TAB2: variants seen among roughly 807,000 people sequenced by gnomAD.
TAB2 encodes TGF-beta-activated kinase 1 and MAP3K7-binding protein 2.
In TAB2, 3 loss-of-function variants were observed where a neutral mutation model predicts 65.0. The ratio of observed to expected loss-of-function variants is 0.05; its 90% CI spans 0.02 to 0.12. TAB2 has a LOEUF of 0.12. TAB2 is among the 10% of genes least tolerant of loss of function. The probability of loss-of-function intolerance (pLI) is 1.00; values close to 1 mark genes in which losing one functional copy is unlikely to be tolerated. For missense variants in TAB2, 623 were observed against 840.3 expected, an observed-to-expected ratio of 0.74 and a Z score of 3.20; for synonymous variants, 298 against 285.1, an observed-to-expected ratio of 1.05 and a Z score of -0.46.
Position 149,326,865 on chromosome 6 carries a change from A to G in TAB2, c.-90+8850A>G, listed in dbSNP as rs1399815701. On this transcript the variant is annotated intron_variant, in intron 1 of 6. Coordinates refer to ENST00000637181, the MANE Select transcript of TAB2 (RefSeq NM_001292034.3). ...GAAAAGTCAACATGTAGAGTGAAGTATTATGCACAGAAATTTGATTTTTGT... is the reference window on the plus strand; with the variant it reads ...GAAAAGTCAACATGTAGAGTGAAGTGTTATGCACAGAAATTTGATTTTTGT... 2.0e-5 allele frequency among the ~76,000 whole-genome samples: 3 copies of G among 152,312 alleles called. No homozygotes were observed. In the East Asian group the frequency reaches 5.8e-4, roughly 29 times the overall value.
chr6:149,358,608 G>A (rs1209543414), intron 1 of TAB2, among the ~76,000 whole-genome samples: 1 of 88,660 alleles, frequency 1.1e-5, no homozygotes, highest in Non-Finnish European at 2.6e-5. Flanking sequence ...ACATCTAGGT[G>A]CAGATTTCTT....
intron 6 of TAB2, chr6:149,400,612 C>A: frequency 6.2e-7 from 1 of 1,614,188 alleles, no homozygotes; most frequent in Non-Finnish European, 8.5e-7. Flanking sequence ...GACAAACCTG[C>A]ACAGTTGGAA....
chr6:149,351,582 T>G (rs1457210040), intron 1 of TAB2, among the ~76,000 whole-genome samples: 1 of 152,238 alleles, frequency 6.6e-6, no homozygotes, highest in Non-Finnish European at 1.5e-5. Context: ...TTATCTTACT[T>G]GGATTACTCA....
chr6:149,269,026 C>G (rs1269802934), intron 1 of TAB2, among the ~76,000 whole-genome samples: 4 of 152,188 alleles, frequency 2.6e-5, no homozygotes, highest in African/African-American at 9.7e-5. Flanking sequence ...ATTCCTTTAT[C>G]CCCTCTGAAT....
chr6:149,394,677 C>T (rs571858278), intron 3 of TAB2, among the ~76,000 whole-genome samples: 1 of 152,310 alleles, frequency 6.6e-6, no homozygotes, highest in Admixed American at 6.5e-5. Flanking sequence ...CCACAGTCTT[C>T]AGATACTTCC....
intron 1 of TAB2, among the ~76,000 whole-genome samples, chr6:149,324,519 A>T (rs532487395): frequency 6.6e-6 from 1 of 152,306 alleles, no homozygotes; most frequent in East Asian, 1.9e-4. Context: ...AAAATTGAGC[A>T]CATCACAAGT....
chr6:149,393,523 AATC>A lies in TAB2; in HGVS notation c.1604-4075_1604-4073del, dbSNP rs1217872427. On this transcript the variant is annotated intron_variant, in intron 3 of 6. Coordinates refer to ENST00000637181, the MANE Select transcript of TAB2 (RefSeq NM_001292034.3). Reference sequence around the variant, plus strand: ...AACTGTGGCTCTTTCAAGTCTCCTAAATCATCATTGAATCAGATTTCTGCCTGC... The same window carrying A: ...AACTGTGGCTCTTTCAAGTCTCCTAAATCATTGAATCAGATTTCTGCCTGC... Among the ~76,000 whole-genome samples the A allele has an allele frequency of 2.6e-5, 4 of 152,278 alleles. No individual in the cohort carries two copies. In the East Asian group the frequency reaches 5.8e-4, roughly 22 times the overall value.
intron 1 of TAB2, among the ~76,000 whole-genome samples, chr6:149,308,056 C>A (rs1275539588): frequency 6.6e-6 from 1 of 152,258 alleles, no homozygotes; most frequent in Non-Finnish European, 1.5e-5. Context: ...GATCTACATT[C>A]TTTTTAACCA....
intron 1 of TAB2, among the ~76,000 whole-genome samples, chr6:149,270,858 G>A (rs76541791): frequency 0.053 from 8,079 of 152,146 alleles, 256 homozygotes; most frequent in Middle Eastern, 0.12. Flanking sequence ...AAAGAGTGGT[G>A]AAGATGACAT....
At chr6:149,274,575 C>T (rs1778420044) in intron 1 of TAB2, among the ~76,000 whole-genome samples, 1 of 152,126 alleles carries the variant, frequency 6.6e-6, no homozygotes, top group African/African-American at 2.4e-5. Context: ...CAAGATAATT[C>T]CCTTTCTTTT....
intron 1 of TAB2, among the ~76,000 whole-genome samples, chr6:149,303,717 CTT>C (rs1235151401): frequency 6.6e-6 from 1 of 152,322 alleles, no homozygotes; most frequent in African/African-American, 2.4e-5. Flanking sequence ...TTGTACCTAA[CTT>C]TGCATTTTAC....
At chr6:149,381,473 A>T (rs962849277) in intron 3 of TAB2, among the ~76,000 whole-genome samples, 1 of 151,886 alleles carries the variant, frequency 6.6e-6, no homozygotes, top group Non-Finnish European at 1.5e-5. Context: ...TAAAGTAGGC[A>T]TTCATATTTA....
chr6:149,288,940 C>A (rs1477873236), intron 1 of TAB2, among the ~76,000 whole-genome samples: 1 of 149,960 alleles, frequency 6.7e-6, no homozygotes, highest in African/African-American at 2.5e-5. Flanking sequence ...TCACTGCAAC[C>A]TCCATCGCCT....
At position 149,397,747 on chromosome 6, in the gene TAB2, A is replaced by G. The variant is rs202240545; in HGVS notation, c.1747A>G (p.Ile583Val). ...TRRRLKRSNS[I>V]SQIPSLEEMQ... is the part of the protein sequence containing the mutation. ...AAGGCGCCTGAAAAGATCAAATTCT[A>G]TATCCCAGATACCTTCCGTAAGTCT... The change falls in exon 4 of 7, where the codon ATA (isoleucine) becomes GTA (valine). Residue 583 changes from isoleucine to valine, a missense_variant. By Grantham distance (29) the Ile-to-Val change is conservative. Coordinates refer to ENST00000637181, the MANE Select transcript of TAB2 (RefSeq NM_001292034.3). 19 of 1,613,410 alleles carry G rather than the reference A, an allele frequency of 1.2e-5. No homozygotes were observed. Among genetic ancestry groups the G allele is most frequent in the Admixed American group, 3.3e-5 (2 of 60,008 alleles).
chr6:149,378,777 A>G lies in TAB2; in HGVS notation c.862A>G (p.Ser288Gly), dbSNP rs1354535361. Residue 288 changes from serine (S) to glycine (G), a missense_variant, in exon 3 of 7, where the codon AGT (serine) becomes GGT (glycine). Transcript: ENST00000637181. ...HQTSHVYMPI[S>G]SPTTSQPPTI... ...GACCTCTCATGTCTACATGCCAATC[A>G]GTTCACCTACTACTTCACAACCACC... The G allele has an allele frequency of 6.2e-7, 1 of 1,614,136 alleles. No individual in the cohort carries two copies. The highest frequency in any genetic ancestry group is 8.5e-7 in the Non-Finnish European group (1 of 1,180,022).
chr6:149,274,453 T>C (rs1387016361), intron 1 of TAB2, among the ~76,000 whole-genome samples: 2 of 152,246 alleles, frequency 1.3e-5, no homozygotes, highest in Non-Finnish European at 2.9e-5. Flanking sequence ...CATGGCTTTG[T>C]CCTCCCTGTA....
At chr6:149,290,047 G>A (rs367731532) in intron 1 of TAB2, among the ~76,000 whole-genome samples, 1 of 152,286 alleles carries the variant, frequency 6.6e-6, no homozygotes, top group East Asian at 1.9e-4. Flanking sequence ...GAAGCCTCCA[G>A]GTAGCAGGTT....
chr6:149,369,582 G>GA (rs1781152591), intron 1 of TAB2, among the ~76,000 whole-genome samples: 1 of 152,008 alleles, frequency 6.6e-6, no homozygotes, highest in African/African-American at 2.4e-5. Context: ...TAATCATTAA[G>GA]AAAAAAATCA....
intron 1 of TAB2, among the ~76,000 whole-genome samples, chr6:149,292,787 C>T (rs755903316): frequency 4.6e-5 from 7 of 152,080 alleles, no homozygotes; most frequent in Non-Finnish European, 7.4e-5. Context: ...TGAGCTTTCT[C>T]GGGAGTTTTT....
Sources: allele counts gnomAD v4.1 joint callset (sites outside exome capture counted in the v4.1 genomes callset), GRCh38; gene constraint gnomAD v4.1.1; transcripts MANE v1.5; gene names NCBI Gene and HGNC (gene_info 2026-07-23, HGNC 2026-07-21).